The following CNTN5 variants were observed in gnomAD, a reference collection of about 807,000 sequenced individuals.
The protein encoded by CNTN5 is contactin 5.
In CNTN5, 77 loss-of-function variants were observed where a neutral mutation model predicts 129.1. The ratio of observed to expected loss-of-function variants is 0.60; its 90% CI spans 0.50 to 0.72. The LOEUF (loss-of-function observed/expected upper bound fraction) is 0.72. CNTN5 is among the 30% of genes least tolerant of loss of function. The pLI, the probability that CNTN5 is intolerant of heterozygous loss-of-function variation, is 0.00. For synonymous variants in CNTN5, 509 were observed against 465.6 expected, an observed-to-expected ratio of 1.09 and a Z score of -1.20; for missense variants, 1,478 against 1,328.8, an observed-to-expected ratio of 1.11 and a Z score of -1.75.
chr11:100,169,026 T>C (rs1017048352), intron 13 of CNTN5, among the ~76,000 whole-genome samples: 17 of 151,918 alleles, frequency 1.1e-4, no homozygotes, highest in Non-Finnish European at 1.9e-4. Context: ...TGGAGACTGA[T>C]GGTGTGACTG....
chr11:99,586,515 T>C (rs1357703411), intron 3 of CNTN5, among the ~76,000 whole-genome samples: 1 of 152,208 alleles, frequency 6.6e-6, no homozygotes, highest in Non-Finnish European at 1.5e-5. Flanking sequence ...ATGCCCGCAG[T>C]CTTTGCCTTA....
At chr11:99,620,630 A>G (rs899854513) in intron 3 of CNTN5, among the ~76,000 whole-genome samples, 15 of 151,878 alleles carry the variant, frequency 9.9e-5, no homozygotes, top group African/African-American at 3.6e-4. Context: ...AGTTAGTATC[A>G]GCAGAAATCC....
intron 6 of CNTN5, among the ~76,000 whole-genome samples, chr11:99,861,431 C>G (rs1196210647): frequency 6.6e-6 from 1 of 152,124 alleles, no homozygotes; most frequent in African/African-American, 2.4e-5. Flanking sequence ...CTTAAGCACA[C>G]TGATTATGCC....
intron 3 of CNTN5, among the ~76,000 whole-genome samples, chr11:99,672,688 C>A (rs532451978): frequency 1.3e-3 from 189 of 150,514 alleles, no homozygotes; most frequent in African/African-American, 4.4e-3. Flanking sequence ...CTCTCTCTTT[C>A]CAGTAGTATC....
chr11:99,683,052 T>G (rs1453859260), intron 3 of CNTN5, among the ~76,000 whole-genome samples: 1 of 151,982 alleles, frequency 6.6e-6, no homozygotes, highest in Non-Finnish European at 1.5e-5. Flanking sequence ...TTTATTAACA[T>G]ATAATTCCAT....
chr11:99,123,059 C>T (rs1436382734), intron 1 of CNTN5, among the ~76,000 whole-genome samples: 1 of 151,814 alleles, frequency 6.6e-6, no homozygotes, highest in African/African-American at 2.4e-5. Flanking sequence ...GGGTATATAC[C>T]CCAAAATGGG....
chr11:99,985,699 A>C (rs1157966564), intron 8 of CNTN5, among the ~76,000 whole-genome samples: 2 of 152,192 alleles, frequency 1.3e-5, no homozygotes, highest in Non-Finnish European at 2.9e-5. Flanking sequence ...GTGGAAGACT[A>C]AAACATTTAG....
At chr11:99,150,046 A>C (rs998066754) in intron 1 of CNTN5, among the ~76,000 whole-genome samples, 1 of 152,014 alleles carries the variant, frequency 6.6e-6, no homozygotes, top group Non-Finnish European at 1.5e-5. Context: ...AAAGATAATG[A>C]CTCACAGGTT....
At chr11:99,533,120 G>A (rs539207350) in intron 2 of CNTN5, among the ~76,000 whole-genome samples, 2 of 152,320 alleles carry the variant, frequency 1.3e-5, no homozygotes, top group South Asian at 2.1e-4. Context: ...CTATTCAGGA[G>A]TCTGAGGCCA....
chr11:99,627,458 G>T (rs1951172721), intron 3 of CNTN5, among the ~76,000 whole-genome samples: 1 of 92,402 alleles, frequency 1.1e-5, no homozygotes. Context: ...GGTTTTTAAT[G>T]TGAGAAAAAA....
intron 1 of CNTN5, among the ~76,000 whole-genome samples, chr11:99,091,394 G>A (rs1465741673): frequency 1.3e-5 from 2 of 152,158 alleles, no homozygotes; most frequent in Non-Finnish European, 2.9e-5. Flanking sequence ...GTTTTGCTTT[G>A]GAACCAAATG....
At chr11:99,185,804 T>C (rs1292077488) in intron 1 of CNTN5, among the ~76,000 whole-genome samples, 9 of 100,276 alleles carry the variant, frequency 9.0e-5, no homozygotes, top group African/African-American at 3.1e-4. Flanking sequence ...AAATAACCCA[T>C]CAAAATAACC....
chr11:99,901,743 A>G (rs1949363000), intron 6 of CNTN5, among the ~76,000 whole-genome samples: 1 of 152,236 alleles, frequency 6.6e-6, no homozygotes, highest in Non-Finnish European at 1.5e-5. Flanking sequence ...TATTAGTTTA[A>G]TAAAGGAAAA....
chr11:99,557,801 G>T (rs1271653500), intron 3 of CNTN5, among the ~76,000 whole-genome samples: 1 of 151,540 alleles, frequency 6.6e-6, no homozygotes, highest in East Asian at 1.9e-4. Context: ...TTTATATACA[G>T]AAATAAATTT....
At chr11:100,041,065 C>T (rs542245475) in intron 9 of CNTN5, among the ~76,000 whole-genome samples, 1 of 152,318 alleles carries the variant, frequency 6.6e-6, no homozygotes, top group South Asian at 2.1e-4. Flanking sequence ...TCTTCTGCGT[C>T]ACTCACACTA....
chr11:99,387,210 TAATC>T (rs1940973007), intron 2 of CNTN5, among the ~76,000 whole-genome samples: 1 of 152,160 alleles, frequency 6.6e-6, no homozygotes. Flanking sequence ...TGGTAACAAT[TAATC>T]AATGCTGTAG....
chr11:99,629,875 T>G (rs983821933), intron 3 of CNTN5, among the ~76,000 whole-genome samples: 4 of 151,894 alleles, frequency 2.6e-5, no homozygotes, highest in Non-Finnish European at 5.9e-5. Context: ...AATATAAAAA[T>G]ACTTGATATA....
chr11:99,482,734 C>G (rs768480670), intron 2 of CNTN5, among the ~76,000 whole-genome samples: 4 of 151,972 alleles, frequency 2.6e-5, no homozygotes, highest in Non-Finnish European at 5.9e-5. Flanking sequence ...GGGTATGGCA[C>G]CAACTTATTT....
chr11:99,645,717 A>T (rs1951934136), intron 3 of CNTN5, among the ~76,000 whole-genome samples: 2 of 152,018 alleles, frequency 1.3e-5, no homozygotes, highest in African/African-American at 2.4e-5. Flanking sequence ...CAAACACCAC[A>T]TGATCTCACT....
Sources: allele counts gnomAD v4.1 joint callset (sites outside exome capture counted in the v4.1 genomes callset), GRCh38; gene constraint gnomAD v4.1.1; transcripts MANE v1.5; gene names NCBI Gene and HGNC (gene_info 2026-07-23, HGNC 2026-07-21).